The following ZNF519 variants were observed in gnomAD, a reference collection of about 807,000 sequenced individuals.
ZNF519 encodes the protein zinc finger protein 519.
ZNF519 carries 7 observed loss-of-function variants against 7.4 expected under a neutral mutation model. That is an observed-to-expected ratio of 0.94 (90% confidence interval 0.54 to 1.77). ZNF519 has a LOEUF of 1.77. ZNF519 is among the 40% of genes most tolerant of loss of function. ZNF519 has a pLI of 0.00. For missense variants in ZNF519, 586 were observed against 623.1 expected (o/e 0.94, Z 0.63); for synonymous variants, 179 against 203.3 (o/e 0.88, Z 1.02).
At chr18:14,080,511 G>A (rs932733793) in intron 3 of ZNF519, among the ~76,000 whole-genome samples, 2 of 151,804 alleles carry the variant, frequency 1.3e-5, no homozygotes, top group Non-Finnish European at 2.9e-5. Context: ...TAGTAGAGAC[G>A]GGGTTTCACC....
At chr18:14,078,762 A>C (rs1315179720) in intron 3 of ZNF519, among the ~76,000 whole-genome samples, 1 of 151,342 alleles carries the variant, frequency 6.6e-6, no homozygotes, top group Non-Finnish European at 1.5e-5. Context: ...TTGGAAATCC[A>C]TCAATAGAAT....
At chr18:14,119,786 C>G (rs1202533667) in intron 2 of ZNF519, among the ~76,000 whole-genome samples, 2 of 152,034 alleles carry the variant, frequency 1.3e-5, no homozygotes, top group African/African-American at 2.4e-5. Context: ...CATTTCCATA[C>G]AGTAACAACA....
chr18:14,112,742 T>C (rs1223910973), intron 2 of ZNF519, among the ~76,000 whole-genome samples: 1 of 152,002 alleles, frequency 6.6e-6, no homozygotes, highest in Non-Finnish European at 1.5e-5. Context: ...ATCTGTACAA[T>C]GAACACTATA....
At chr18:14,129,765 T>A (rs11874997) in intron 1 of ZNF519, among the ~76,000 whole-genome samples, 1 of 152,074 alleles carries the variant, frequency 6.6e-6, no homozygotes, top group African/African-American at 2.4e-5. Context: ...GCCAGTCACA[T>A]GCCTCCGGAT....
At position 14,129,827 on chromosome 18, in the gene ZNF519, CCCT is replaced by C. The variant is rs557936923; in HGVS notation, c.3+2445_3+2447del. Among the ~76,000 whole-genome samples, 510 of 152,188 alleles carry C rather than the reference CCCT, an allele frequency of 3.4e-3. 3 individuals carry two copies. Among genetic ancestry groups the C allele is most frequent in the African/African-American group, 0.012 (483 of 41,500 alleles). On this transcript the variant is annotated intron_variant, in intron 1 of 2. Transcript: ENST00000590202. ...CTACAAATCAAGGGCTTCCACATTC[CCCT>C]CCTCAAGCTCAATAATTTGATAGAA...
chr18:14,084,936 GAC>G (rs1254187305), exon 3 of ZNF519: 1 of 152,212 alleles, frequency 6.6e-6, no homozygotes, highest in Admixed American at 6.5e-5. Context: ...TTCCCTGAAG[GAC>G]ACATTCTTCC....
At chr18:14,092,293 A>G (rs1161969128) in intron 2 of ZNF519, among the ~76,000 whole-genome samples, 1 of 152,180 alleles carries the variant, frequency 6.6e-6, no homozygotes, top group Admixed American at 6.5e-5. Flanking sequence ...GGTGTCCTTC[A>G]TTGGAACACG....
chr18:14,132,230 G>A (rs1267747725), intron 1 of ZNF519, 45 bp downstream of exon 1: 1 of 1,611,836 alleles, frequency 6.2e-7, no homozygotes, highest in East Asian at 2.2e-5. Context: ...CCGGTTCCAA[G>A]GAGCCCCCTC....
chr18:14,126,868 G>T (rs2046301686), intron 1 of ZNF519, among the ~76,000 whole-genome samples: 1 of 152,174 alleles, frequency 6.6e-6, no homozygotes, highest in African/African-American at 2.4e-5. Flanking sequence ...ATCCTCAAAT[G>T]TCTCCAAAAT....
At chr18:14,081,828 A>C (rs961545026) in intron 3 of ZNF519, among the ~76,000 whole-genome samples, 1 of 152,150 alleles carries the variant, frequency 6.6e-6, no homozygotes, top group African/African-American at 2.4e-5. Flanking sequence ...TTAAATTAAA[A>C]GGTCTCCAAC....
rs2046156185 is a variant in ZNF519 at position 14,100,673 on chromosome 18, G to T, written c.*4244C>A. On this transcript the variant is annotated 3_prime_UTR_variant, in exon 3 of 3. Coordinates refer to ENST00000590202, the MANE Select transcript of ZNF519 (RefSeq NM_145287.4). ...TTTCAAAGAATCAGAATCAGAGTGGGTATGGTGGGGAGAAGGGAAGCGGAT... is the reference window on the plus strand; with the variant it reads ...TTTCAAAGAATCAGAATCAGAGTGGTTATGGTGGGGAGAAGGGAAGCGGAT... 6.6e-6 allele frequency: 1 copy of T among 152,210 alleles called. No individual in the cohort carries two copies. Among genetic ancestry groups the T allele is most frequent in the South Asian group, 2.1e-4 (1 of 4,830 alleles). 9.4% of individuals were successfully genotyped at this position (152,210 alleles called of 1,614,324 possible). A position where few individuals can be genotyped will look rare whatever the true frequency, so the allele number is the denominator to read the frequency against.
downstream of ZNF519, among the ~76,000 whole-genome samples, chr18:14,096,645 A>G (rs2046137998): frequency 1.3e-5 from 2 of 152,206 alleles, no homozygotes; most frequent in African/African-American, 4.8e-5. Flanking sequence ...TCTCCCGAGT[A>G]GCTAGGATCA....
chr18:14,081,451 T>A (rs1232678018), intron 3 of ZNF519, among the ~76,000 whole-genome samples: 3 of 152,138 alleles, frequency 2.0e-5, no homozygotes, highest in Non-Finnish European at 4.4e-5. Flanking sequence ...GCTCCAAAGA[T>A]CAATAATAAA....
intron 2 of ZNF519, among the ~76,000 whole-genome samples, chr18:14,110,014 G>C (rs149692648): frequency 3.9e-5 from 6 of 152,218 alleles, no homozygotes; most frequent in African/African-American, 1.2e-4. Context: ...AAGCATAATA[G>C]AGAATCCAGA....
At chr18:14,083,023 C>G (rs2046076188) in intron 3 of ZNF519, 1 of 152,152 alleles carries the variant, frequency 6.6e-6, no homozygotes, top group Admixed American at 6.5e-5. Context: ...AGTGTCTCAG[C>G]TGAATTGCAT....
chr18:14,108,749 C>T (rs2046206686), intron 2 of ZNF519, among the ~76,000 whole-genome samples: 1 of 151,954 alleles, frequency 6.6e-6, no homozygotes, highest in Non-Finnish European at 1.5e-5. Flanking sequence ...TTATATCAGA[C>T]AAAATAGATT....
chr18:14,120,661 A>G, intron 2 of ZNF519, among the ~76,000 whole-genome samples: 1 of 152,074 alleles, frequency 6.6e-6, no homozygotes, highest in South Asian at 2.1e-4. Flanking sequence ...AAAATGTGTA[A>G]GAAACTTCTG....
chr18:14,128,153 T>C (rs3971738), intron 1 of ZNF519, among the ~76,000 whole-genome samples: 77,655 of 150,410 alleles, frequency 0.52, 20,304 homozygotes, highest in Non-Finnish European at 0.54. Flanking sequence ...ATTAGCCGGG[T>C]GTGGTGGTGG....
In ZNF519 at chr18:14,105,732, G is replaced by A. The variant is rs537188224; in HGVS notation, c.808C>T (p.Arg270Cys). Residue 270 changes from arginine (R) to cysteine (C), a missense_variant, in exon 3 of 3, where the codon CGT becomes TGT. Physicochemically the swap from Arg to Cys is radical, Grantham distance 180. Transcript: ENST00000590202. ...AAGCCCCTGGTAAAAGCTTTGCCAC[G>A]TTCTTTATATTTCACTGATTTTTCT... The part of the protein sequence containing the change: ...TGEKSVKYKE[R>C]GKAFTRGLHL... 7.4e-6 allele frequency: 12 copies of A among 1,613,760 alleles called. No homozygotes were observed. The highest frequency in any genetic ancestry group is 3.3e-5 in the South Asian group (3 of 91,054).
Sources: gnomAD v4.1 joint callset for allele counts (sites outside exome capture counted in the v4.1 genomes callset) on GRCh38, gnomAD v4.1.1 for gene constraint, MANE v1.5 for transcripts, NCBI Gene and HGNC (gene_info 2026-07-23, HGNC 2026-07-21) for gene names.